The following MAP6 variants were observed in gnomAD, a reference collection of about 807,000 sequenced individuals.
MAP6 encodes the protein microtubule-associated protein 6.
A neutral mutation model predicts 42.4 loss-of-function variants in MAP6; 26 were observed. The observed-to-expected ratio is 0.61, with a 90% confidence interval of 0.45 to 0.85. The LOEUF is 0.85. Ranked by LOEUF, MAP6 falls within the 40% of genes least tolerant of loss-of-function variation. MAP6 has a pLI of 0.00. For synonymous variants in MAP6, 418 were observed against 443.8 expected (o/e 0.94, Z 0.73); for missense variants, 966 against 1,099.0 (o/e 0.88, Z 1.71).
intron 1 of MAP6, among the ~76,000 whole-genome samples, chr11:75,646,692 CG>C (rs1318518386): frequency 6.6e-6 from 1 of 151,390 alleles, no homozygotes; most frequent in Non-Finnish European, 1.5e-5. Flanking sequence ...CCCAGCTAAT[CG>C]GGAGGCTGAG....
At chr11:75,605,607 G>A (rs960541456) in intron 3 of MAP6, 25 of 1,371,508 alleles carry the variant, frequency 1.8e-5, no homozygotes, top group Non-Finnish European at 2.4e-5. Flanking sequence ...CCCTCAGGAG[G>A]AGGCCTGCCA....
chr11:75,649,876 T>C (rs1229748024), intron 1 of MAP6, among the ~76,000 whole-genome samples: 2 of 152,146 alleles, frequency 1.3e-5, no homozygotes, highest in Non-Finnish European at 2.9e-5. Flanking sequence ...AAATTATGGA[T>C]AGTGAAAATA....
intron 3 of MAP6, chr11:75,603,324 A>AG: frequency 1.0e-6 from 1 of 985,836 alleles, no homozygotes; most frequent in Non-Finnish European, 1.2e-6. Flanking sequence ...GGAAGGCAAC[A>AG]CCCAAACACT....
At chr11:75,600,181 A>G (rs1480610404) in intron 3 of MAP6, among the ~76,000 whole-genome samples, 3 of 152,160 alleles carry the variant, frequency 2.0e-5, no homozygotes, top group African/African-American at 7.2e-5. Context: ...AGTGTCCTCC[A>G]GGGGTTCCCT....
At chr11:75,653,289 T>A (rs141526045) in intron 1 of MAP6, among the ~76,000 whole-genome samples, 6 of 152,312 alleles carry the variant, frequency 3.9e-5, no homozygotes, top group African/African-American at 7.2e-5. Flanking sequence ...TTCTTGTACA[T>A]CCCTGAAAAA....
At chr11:75,636,934 A>G (rs1198069580) in intron 1 of MAP6, among the ~76,000 whole-genome samples, 1 of 152,164 alleles carries the variant, frequency 6.6e-6, no homozygotes. Flanking sequence ...ATCTCTTTCA[A>G]TGGCAGTTGT....
At position 75,668,392 on chromosome 11, in the gene MAP6, T is replaced by C; in HGVS notation, c.-23A>G. 6.4e-7 allele frequency: 1 copy of C among 1,562,812 alleles called. No individual in the cohort carries two copies. The highest frequency in any genetic ancestry group is 2.5e-5 in the East Asian group (1 of 40,204). ...CATGATGCTAGCTGAAAAGCCGGCC[T>C]CCTCTTTCTTCTTGTGGTTCTAAAG... On this transcript the variant is annotated 5_prime_UTR_variant, in exon 1 of 4. Coordinates refer to ENST00000304771, the MANE Select transcript of MAP6 (RefSeq NM_033063.2).
At chr11:75,639,851 C>T (rs1255681741) in intron 1 of MAP6, among the ~76,000 whole-genome samples, 1 of 152,192 alleles carries the variant, frequency 6.6e-6, no homozygotes, top group African/African-American at 2.4e-5. Flanking sequence ...CTGGGCACAG[C>T]TGTGCAGTCA....
rs754831096 is a variant in MAP6, at chr11:75,667,521, G to A, written c.849C>T (p.Asp283=). ...CCTCGCGGATTTGCCGGTTGAGGGCGTCCGCCGCGGCGCGCCCCCTGCCAG... is the reference window on the plus strand; with the variant it reads ...CCTCGCGGATTTGCCGGTTGAGGGCATCCGCCGCGGCGCGCCCCCTGCCAG... ...PEAGRGRAAA[D]ALNRQIREEV... Residue 283 remains aspartate, a synonymous_variant, in exon 1 of 4, where the codon GAC becomes GAT. Coordinates refer to ENST00000304771, the MANE Select transcript of MAP6 (RefSeq NM_033063.2). The surrounding 1 kb of genome is among the most constrained non-coding windows in gnomAD (Gnocchi z 5.6). 1 of 1,501,184 alleles carries A rather than the reference G, an allele frequency of 6.7e-7. No individual in the cohort carries two copies. The highest frequency in any genetic ancestry group is 2.8e-5 in the East Asian group (1 of 35,144). 93.0% of individuals were successfully genotyped at this position (1,501,184 alleles called of 1,614,324 possible).
rs556818638 is a variant in MAP6 at position 75,608,923 on chromosome 11, G to A, written c.906-601C>T. 7.9e-5 allele frequency among the ~76,000 whole-genome samples: 12 copies of A among 152,314 alleles called. No homozygotes were observed. In the East Asian group the frequency reaches 2.1e-3, roughly 27 times the overall value. ...TTAATCACTTTAGATGAACATCCTC[G>A]TGAAATGTCTAAATATTTGCAGATC... On this transcript the variant is annotated intron_variant, in intron 1 of 3. Coordinates refer to ENST00000304771, the MANE Select transcript of MAP6 (RefSeq NM_033063.2).
rs1365440114 is a variant in MAP6, at chr11:75,667,556, C to G, written c.814G>C (p.Gly272Arg). ...GCGCGCCCCCTGCCAGCCTCGGGGC[C>G]GGTGGCCTGGACCTGGGCCTGGGCC... is the stretch of plus-strand genomic sequence containing the variant. ...PAAQAQVQAT[G>R]PEAGRGRAAA... is the part of the protein sequence containing the mutation. Residue 272 changes from glycine to arginine, a missense_variant, in exon 1 of 4, where the codon GGC becomes CGC. By Grantham distance (125) the Gly-to-Arg change is moderately radical (BLOSUM62 -2). Around this residue, in one of 2 missense-constraint regions of MAP6, gnomAD observed 943 missense variants for 1,049.9 expected, o/e 0.90. Coordinates refer to ENST00000304771, the MANE Select transcript of MAP6 (RefSeq NM_033063.2). This position sits in a 1 kb window ranked among gnomAD's most constrained non-coding sequence, Gnocchi z 5.6. 3 of 1,481,746 alleles carry G rather than the reference C, an allele frequency of 2.0e-6. No homozygotes were observed. The allele number at this position is 1,481,746 out of a possible 1,614,324, so 91.8% of individuals were successfully genotyped here.
chr11:75,628,315 A>G (rs1282873537), intron 1 of MAP6, among the ~76,000 whole-genome samples: 2 of 152,160 alleles, frequency 1.3e-5, no homozygotes, highest in African/African-American at 4.8e-5. Context: ...AGAGATTCAC[A>G]TTTATCAAGG....
At chr11:75,626,922 G>A (rs1266641941) in intron 1 of MAP6, among the ~76,000 whole-genome samples, 1 of 152,230 alleles carries the variant, frequency 6.6e-6, no homozygotes, top group Non-Finnish European at 1.5e-5. Flanking sequence ...AGAAACAGAG[G>A]GAGGTGAGGA....
intron 1 of MAP6, among the ~76,000 whole-genome samples, chr11:75,657,108 C>T (rs763994259): frequency 3.4e-5 from 5 of 149,170 alleles, no homozygotes; most frequent in Non-Finnish European, 5.9e-5. Flanking sequence ...TGTGGAGACA[C>T]TATTTTTTTT....
chr11:75,642,933 G>A, intron 1 of MAP6: 1 of 451,968 alleles, frequency 2.2e-6, no homozygotes, highest in Non-Finnish European at 4.6e-6. Context: ...TAAATGTTCT[G>A]GTTAAAAAAA....
intron 1 of MAP6, among the ~76,000 whole-genome samples, chr11:75,620,159 C>G (rs944100819): frequency 6.6e-6 from 1 of 152,134 alleles, no homozygotes; most frequent in Non-Finnish European, 1.5e-5. Flanking sequence ...TCAATCCTAA[C>G]AACTTCTTTT....
intron 1 of MAP6, among the ~76,000 whole-genome samples, chr11:75,618,473 G>C (rs1176275542): frequency 6.6e-6 from 1 of 152,100 alleles, no homozygotes; most frequent in South Asian, 2.1e-4. Flanking sequence ...CAGGCATGGT[G>C]GTGGGCGCCT....
At chr11:75,644,931 C>A (rs1943531009) in intron 1 of MAP6, among the ~76,000 whole-genome samples, 1 of 152,082 alleles carries the variant, frequency 6.6e-6, no homozygotes, top group Non-Finnish European at 1.5e-5. Context: ...ATGCAGGAAA[C>A]CCTGAATCAG....
chr11:75,642,729 CACA>C, intron 1 of MAP6: 2 of 266,040 alleles, frequency 7.5e-6, no homozygotes, highest in South Asian at 8.6e-5. Context: ...CCCTACCAGC[CACA>C]ACAGAAAGTA....
Sources: gnomAD v4.1 joint callset for allele counts (sites outside exome capture counted in the v4.1 genomes callset) on GRCh38, gnomAD v4.1.1 for gene constraint, gnomAD v4.1.1 regional missense constraint, Gnocchi (gnomAD v3.1) non-coding constraint, MANE v1.5 for transcripts, NCBI Gene and HGNC (gene_info 2026-07-23, HGNC 2026-07-21) for gene names.